Variants in CCDC178 observed in about 807,000 individuals in gnomAD.
The protein encoded by CCDC178 is coiled-coil domain containing 178, also known as coiled-coil domain-containing protein 178.
CCDC178 carries 126 observed loss-of-function variants against 117.4 expected under a neutral mutation model. The ratio of observed to expected loss-of-function variants is 1.07; its 90% CI spans 0.93 to 1.24. The LOEUF is 1.24. CCDC178 is among the 50% of genes most tolerant of loss of function. The pLI is 0.00. For synonymous variants in CCDC178, 283 were observed against 313.4 expected (o/e 0.90, Z 1.02); for missense variants, 1,030 against 986.9 (o/e 1.04, Z -0.59).
At position 32,938,001 on chromosome 18, in the gene CCDC178, G is replaced by T. The variant is rs778498098; in HGVS notation, c.*10C>A. ...TTTATTTCAGCATCCAAGATACATT[G>T]GTTGTTTGCTTAACCATCGTTTTCG... is the stretch of plus-strand genomic sequence containing the variant. On this transcript the variant is annotated 3_prime_UTR_variant, in exon 23 of 23. Transcript: ENST00000383096. 2 of 1,593,446 alleles carry T rather than the reference G, an allele frequency of 1.3e-6. No individual in the cohort carries two copies. Among genetic ancestry groups the T allele is most frequent in the South Asian group, 2.2e-5 (2 of 90,642 alleles).
chr18:33,218,485 G>C (rs1408411456), intron 18 of CCDC178, among the ~76,000 whole-genome samples: 1 of 152,060 alleles, frequency 6.6e-6, no homozygotes, highest in Non-Finnish European at 1.5e-5. Flanking sequence ...TTTGGCTTTT[G>C]TTGCCATTGC....
At chr18:33,032,101 T>A (rs2056356115) in intron 21 of CCDC178, among the ~76,000 whole-genome samples, 1 of 152,120 alleles carries the variant, frequency 6.6e-6, no homozygotes, top group Admixed American at 6.6e-5. Flanking sequence ...AAAGAATTGT[T>A]TCTACAAGGA....
At chr18:33,189,455 G>GT (rs2058832443) in intron 20 of CCDC178, among the ~76,000 whole-genome samples, 1 of 152,076 alleles carries the variant, frequency 6.6e-6, no homozygotes, top group Admixed American at 6.6e-5. Flanking sequence ...ATATATGTAA[G>GT]TTATTTTTGT....
At chr18:33,108,624 T>G (rs922531558) in intron 20 of CCDC178, among the ~76,000 whole-genome samples, 1 of 151,618 alleles carries the variant, frequency 6.6e-6, no homozygotes, top group African/African-American at 2.4e-5. Context: ...ATTTTAAAGG[T>G]CTATTATTAT....
intron 20 of CCDC178, among the ~76,000 whole-genome samples, chr18:33,131,223 T>C (rs72943348): frequency 2.8e-3 from 430 of 152,054 alleles, no homozygotes; most frequent in Non-Finnish European, 5.0e-3. Flanking sequence ...AACTATCGAT[T>C]ACTGTAGGTG....
chr18:33,340,226 C>T lies in CCDC178; in HGVS notation c.658+5985G>A, dbSNP rs112587441. 9.1e-3 allele frequency among the ~76,000 whole-genome samples: 1,382 copies of T among 152,212 alleles called. 16 individuals are homozygous for T. Among genetic ancestry groups the T allele is most frequent in the African/African-American group, 0.031 (1,299 of 41,520 alleles). ...CAAAGAGACTGGTGGCATTTTGCCC[C>T]TGCCCCAGAGATATATGGAACTTTG... On this transcript the variant is annotated intron_variant, in intron 9 of 22. Transcript: ENST00000383096.
intron 15 of CCDC178, among the ~76,000 whole-genome samples, chr18:33,237,629 T>C (rs2059441015): frequency 6.8e-6 from 1 of 147,952 alleles, no homozygotes; most frequent in Non-Finnish European, 1.5e-5. Context: ...AACAACACCA[T>C]GGGCCACCTC....
intron 20 of CCDC178, among the ~76,000 whole-genome samples, chr18:33,199,855 C>T (rs551698317): frequency 6.6e-6 from 1 of 152,264 alleles, no homozygotes; most frequent in South Asian, 2.1e-4. Flanking sequence ...TACTCAGCTC[C>T]TCCAAAGATA....
intron 20 of CCDC178, among the ~76,000 whole-genome samples, chr18:33,111,472 C>CT (rs2057782332): frequency 6.6e-6 from 1 of 151,502 alleles, no homozygotes; most frequent in African/African-American, 2.4e-5. Context: ...TGATCCTTTT[C>CT]TTCATTTTTC....
intron 21 of CCDC178, among the ~76,000 whole-genome samples, chr18:33,088,885 C>A (rs2057422243): frequency 6.6e-6 from 1 of 152,120 alleles, no homozygotes; most frequent in African/African-American, 2.4e-5. Context: ...GACAACATTT[C>A]TTCTACTTAA....
intron 20 of CCDC178, among the ~76,000 whole-genome samples, chr18:33,153,899 A>G (rs2058365092): frequency 6.6e-6 from 1 of 152,070 alleles, no homozygotes; most frequent in Non-Finnish European, 1.5e-5. Flanking sequence ...TTACATGGAA[A>G]GATGATTTCA....
intron 21 of CCDC178, among the ~76,000 whole-genome samples, chr18:33,062,734 C>T (rs1433322466): frequency 6.6e-6 from 1 of 152,094 alleles, no homozygotes; most frequent in African/African-American, 2.4e-5. Flanking sequence ...CCCCAAGGTC[C>T]AAGAAGCTGA....
chr18:33,376,820 TATGCACCACATTTTCTTTATCCA>T (rs2063373555), intron 5 of CCDC178, among the ~76,000 whole-genome samples: 1 of 152,230 alleles, frequency 6.6e-6, no homozygotes, highest in South Asian at 2.1e-4. Flanking sequence ...TCATGGTGTA[TATGCACCACATTTTCTTTATCCA>T]ATCCACCATT....
At chr18:33,312,991 T>C (rs1021247861) in intron 11 of CCDC178, among the ~76,000 whole-genome samples, 3 of 152,180 alleles carry the variant, frequency 2.0e-5, no homozygotes, top group Non-Finnish European at 4.4e-5. Context: ...AGTAGCTATA[T>C]GCAAGAGGAA....
rs991243207 is a variant in CCDC178 at position 33,104,783 on chromosome 18, G to A, written c.2239-11873C>T. Reference sequence around the variant, plus strand: ...TTTGATGTTGGCCATATATTAATTTGGGTAGTTATGGTAACAAATGTATGA... The same window carrying A: ...TTTGATGTTGGCCATATATTAATTTAGGTAGTTATGGTAACAAATGTATGA... On this transcript the variant is annotated intron_variant, in intron 20 of 22. Coordinates refer to ENST00000383096, the MANE Select transcript of CCDC178 (RefSeq NM_001105528.4). Among the ~76,000 whole-genome samples, 43 of 151,612 alleles carry A rather than the reference G, an allele frequency of 2.8e-4. 1 individual carries two copies. Among genetic ancestry groups the A allele is most frequent in the Admixed American group, 2.7e-3 (41 of 15,160 alleles).
chr18:33,160,538 T>C (rs543907897), intron 20 of CCDC178, among the ~76,000 whole-genome samples: 3 of 152,302 alleles, frequency 2.0e-5, no homozygotes, highest in Non-Finnish European at 4.4e-5. Context: ...TATTCTCTAA[T>C]GTTCTCCTTT....
At chr18:32,968,533 C>T (rs1337087734) in intron 22 of CCDC178, among the ~76,000 whole-genome samples, 2 of 151,878 alleles carry the variant, frequency 1.3e-5, no homozygotes, top group African/African-American at 2.4e-5. Context: ...AGTGGGATTG[C>T]CAGATCATGT....
chr18:33,363,661 T>A (rs1282358884), intron 6 of CCDC178, among the ~76,000 whole-genome samples: 1 of 152,066 alleles, frequency 6.6e-6, no homozygotes, highest in Admixed American at 6.6e-5. Flanking sequence ...CTGTGTATAC[T>A]AAGTATGCAG....
chr18:33,193,071 T>A (rs3102226), intron 20 of CCDC178, among the ~76,000 whole-genome samples: 24,257 of 149,598 alleles, frequency 0.16, 2,721 homozygotes, highest in African/African-American at 0.32. Flanking sequence ...CATCTTGGCT[T>A]ACACGGTGAA....
Sources: allele counts gnomAD v4.1 joint callset (sites outside exome capture counted in the v4.1 genomes callset), GRCh38; gene constraint gnomAD v4.1.1; transcripts MANE v1.5; gene names NCBI Gene and HGNC (gene_info 2026-07-23, HGNC 2026-07-21).